Variants in SLC14A2 observed in about 807,000 individuals in gnomAD.
SLC14A2 encodes solute carrier family 14 member 2, also known as urea transporter 2.
A neutral mutation model predicts 104.6 loss-of-function variants in SLC14A2; 91 were observed. The observed-to-expected ratio is 0.87, with a 90% CI of 0.73 to 1.04. The LOEUF is 1.04. Among genes scored for constraint, SLC14A2 ranks in the 50% least tolerant of loss-of-function variants. SLC14A2 has a pLI of 0.00. For synonymous variants in SLC14A2, 476 were observed against 466.4 expected (o/e 1.02, Z -0.27); for missense variants, 1,189 against 1,156.0 (o/e 1.03, Z -0.41).
intron 2 of SLC14A2, among the ~76,000 whole-genome samples, chr18:45,573,819 G>C (rs2044382141): frequency 6.6e-6 from 1 of 152,146 alleles, no homozygotes; most frequent in Admixed American, 6.5e-5. Flanking sequence ...CAGAGTTCCT[G>C]CTCATCAAAA....
chr18:45,311,160 G>T (rs2085074810), intron 1 of SLC14A2, among the ~76,000 whole-genome samples: 1 of 152,186 alleles, frequency 6.6e-6, no homozygotes, highest in Non-Finnish European at 1.5e-5. Context: ...AAAAAGAAAT[G>T]AACATGATGA....
At chr18:45,303,965 C>G (rs2084992357) in intron 1 of SLC14A2, among the ~76,000 whole-genome samples, 1 of 152,188 alleles carries the variant, frequency 6.6e-6, no homozygotes, top group Non-Finnish European at 1.5e-5. Flanking sequence ...GATGAATTAA[C>G]AACTGAAGTG....
intron 2 of SLC14A2, among the ~76,000 whole-genome samples, chr18:45,546,701 TA>T (rs1162104813): frequency 6.6e-6 from 1 of 152,206 alleles, no homozygotes; most frequent in African/African-American, 2.4e-5. Context: ...GCATTTTACT[TA>T]AACTTCTGTG....
At chr18:45,668,205 T>A in intron 14 of SLC14A2, 144 bp from the exon 15 acceptor site, 1 of 1,195,396 alleles carries the variant, frequency 8.4e-7, no homozygotes, top group Non-Finnish European at 1.2e-6. Context: ...TTCATAGGGT[T>A]GTCTTCCTTC....
intron 2 of SLC14A2, among the ~76,000 whole-genome samples, chr18:45,582,997 T>C (rs1336257856): frequency 1.3e-5 from 2 of 152,186 alleles, no homozygotes; most frequent in Non-Finnish European, 2.9e-5. Flanking sequence ...CTTTGTTTCT[T>C]GCATGGAATC....
chr18:45,658,140 C>T (rs2045873522), intron 10 of SLC14A2, among the ~76,000 whole-genome samples: 1 of 152,128 alleles, frequency 6.6e-6, no homozygotes, highest in African/African-American at 2.4e-5. Context: ...CCACAAACAA[C>T]AGATCAGAGG....
chr18:45,615,950 T>C (rs1442949455), intron 1 of SLC14A2, among the ~76,000 whole-genome samples: 2 of 152,018 alleles, frequency 1.3e-5, no homozygotes, highest in African/African-American at 2.4e-5. Flanking sequence ...GAAGGCACCA[T>C]GGCCATGTTA....
At chr18:45,645,798 A>G (rs1403563977) in intron 10 of SLC14A2, among the ~76,000 whole-genome samples, 2 of 152,020 alleles carry the variant, frequency 1.3e-5, no homozygotes, top group Admixed American at 6.6e-5. Context: ...GCTATGTGTC[A>G]ATAAAACTTT....
chr18:45,305,730 A>G (rs1482986165), intron 1 of SLC14A2, among the ~76,000 whole-genome samples: 1 of 152,124 alleles, frequency 6.6e-6, no homozygotes, highest in Admixed American at 6.5e-5. Context: ...ATTTCTTCTC[A>G]GCCTTATTAT....
intron 2 of SLC14A2, among the ~76,000 whole-genome samples, chr18:45,571,412 A>T (rs2044342929): frequency 6.6e-6 from 1 of 152,214 alleles, no homozygotes; most frequent in Non-Finnish European, 1.5e-5. Context: ...TCCCTCCAAG[A>T]TGCTATGCCA....
chr18:45,182,925 A>G, the SLC14A2 span, among the ~76,000 whole-genome samples: 1 of 152,352 alleles, frequency 6.6e-6, no homozygotes, highest in Middle Eastern at 3.4e-3. Context: ...ACAGATTGCC[A>G]AGAAATTTTT....
intron 2 of SLC14A2, among the ~76,000 whole-genome samples, chr18:45,567,877 C>T (rs538901685): frequency 4.8e-4 from 73 of 152,298 alleles, no homozygotes; most frequent in African/African-American, 1.7e-3. Context: ...CAGGATCTTT[C>T]AGGAGAAGAT....
At chr18:45,296,148 T>C (rs1206984774) in intron 1 of SLC14A2, among the ~76,000 whole-genome samples, 1 of 152,174 alleles carries the variant, frequency 6.6e-6, no homozygotes, top group African/African-American at 2.4e-5. Context: ...CAGCAAATAT[T>C]TGATAACCAC....
chr18:45,575,483 T>C (rs2044406180), intron 2 of SLC14A2, among the ~76,000 whole-genome samples: 2 of 151,980 alleles, frequency 1.3e-5, no homozygotes, highest in South Asian at 4.1e-4. Context: ...CTTCACAGTC[T>C]CTCCCCTTCA....
intron 1 of SLC14A2, among the ~76,000 whole-genome samples, chr18:45,351,354 T>G (rs1568163243): frequency 6.6e-6 from 1 of 152,090 alleles, no homozygotes; most frequent in African/African-American, 2.4e-5. Context: ...ATGCACCGTT[T>G]TTTGTTTGTT....
intron 2 of SLC14A2, among the ~76,000 whole-genome samples, chr18:45,496,926 T>C (rs1337000219): frequency 6.6e-6 from 1 of 152,190 alleles, no homozygotes. Flanking sequence ...GAACTTGCAC[T>C]AGTGGCTTGC....
At chr18:45,392,089 G>A (rs562931585) in intron 1 of SLC14A2, among the ~76,000 whole-genome samples, 10 of 152,184 alleles carry the variant, frequency 6.6e-5, no homozygotes, top group Non-Finnish European at 1.3e-4. Context: ...AACTTGTCCT[G>A]GGACACGCAG....
intron 10 of SLC14A2, chr18:45,647,291 T>C (rs1397887193): frequency 1.3e-5 from 2 of 152,248 alleles, no homozygotes; most frequent in Non-Finnish European, 2.9e-5. Flanking sequence ...TTTAAATGTT[T>C]GTGGCCATAG....
chr18:45,187,800 G>A, the SLC14A2 span, among the ~76,000 whole-genome samples: 4 of 152,050 alleles, frequency 2.6e-5, no homozygotes, highest in Non-Finnish European at 5.9e-5. Flanking sequence ...TTGATAATAA[G>A]AGAATTCTGT....
Sources: gnomAD v4.1 joint callset for allele counts (sites outside exome capture counted in the v4.1 genomes callset) on GRCh38, gnomAD v4.1.1 for gene constraint, MANE v1.5 for transcripts, NCBI Gene and HGNC (gene_info 2026-07-23, HGNC 2026-07-21) for gene names.